The following ARHGEF17 variants were observed in gnomAD, a reference collection of about 807,000 sequenced individuals.
ARHGEF17 encodes the protein Rho guanine nucleotide exchange factor 17.
In ARHGEF17, 80 loss-of-function variants were observed where a neutral mutation model predicts 174.0. That is an observed-to-expected ratio of 0.46 (90% CI 0.38 to 0.55). ARHGEF17 has a LOEUF of 0.55. ARHGEF17 is among the 20% of genes least tolerant of loss of function. The probability of loss-of-function intolerance (pLI) is 0.00; values close to 1 mark genes in which losing one functional copy is unlikely to be tolerated. For synonymous variants in ARHGEF17, 1,311 were observed against 1,189.1 expected, an observed-to-expected ratio of 1.10 and a Z score of -2.11; for missense variants, 2,886 against 2,839.7, an observed-to-expected ratio of 1.02 and a Z score of -0.37.
At chr11:73,344,298 G>A (rs1411927410) in intron 1 of ARHGEF17, among the ~76,000 whole-genome samples, 2 of 152,234 alleles carry the variant, frequency 1.3e-5, no homozygotes, top group Admixed American at 1.3e-4. Flanking sequence ...CGTGTAGAGG[G>A]CTGCTCGCGC....
At chr11:73,359,690 C>T (rs1865703916) in intron 9 of ARHGEF17, 144 bp from the exon 10 acceptor site, 1 of 634,730 alleles carries the variant, frequency 1.6e-6, no homozygotes, top group Non-Finnish European at 2.5e-6. Flanking sequence ...ACTTTTTTCC[C>T]AAGAGCTTGG....
Position 73,308,981 on chromosome 11 carries a change from G to T in ARHGEF17, c.343G>T (p.Ala115Ser). Residue 115 changes from alanine to serine, a missense_variant, in exon 1 of 21, where the codon GCC (alanine) becomes TCC (serine). Transcript: ENST00000263674. ...GVLPAAAEEAAEGPARGAWPS... is the reference protein window; with the variant it reads ...GVLPAAAEEASEGPARGAWPS... ...CTTACCCGCGGCCGCGGAAGAAGCG[G>T]CCGAGGGCCCAGCGCGAGGAGCCTG... The T allele has an allele frequency of 7.3e-7, 1 of 1,373,668 alleles. No individual in the cohort carries two copies. The allele number at this position is 1,373,668 out of a possible 1,614,324, so 85.1% of individuals were successfully genotyped here. A position where few individuals can be genotyped will look rare whatever the true frequency, so the allele number is the denominator to read the frequency against.
intron 2 of ARHGEF17, among the ~76,000 whole-genome samples, chr11:73,348,259 C>T (rs1226780536): frequency 5.9e-5 from 9 of 152,164 alleles, no homozygotes; most frequent in Admixed American, 5.9e-4. Flanking sequence ...CCACGGTGAG[C>T]CCCTTCTGCG....
intron 1 of ARHGEF17, among the ~76,000 whole-genome samples, chr11:73,336,721 C>T (rs1865292203): frequency 6.6e-6 from 1 of 152,240 alleles, no homozygotes. Context: ...ACCATGGCTC[C>T]TCCACCTCCC....
chr11:73,319,048 G>T (rs1036983448), intron 1 of ARHGEF17, among the ~76,000 whole-genome samples: 2 of 149,582 alleles, frequency 1.3e-5, no homozygotes, highest in Non-Finnish European at 3.0e-5. Flanking sequence ...TGCTCACCCC[G>T]TACCTCCTTC....
intron 1 of ARHGEF17, among the ~76,000 whole-genome samples, chr11:73,320,897 A>T (rs1865007389): frequency 6.6e-6 from 1 of 152,140 alleles, no homozygotes; most frequent in South Asian, 2.1e-4. Context: ...CCTGAGCTCA[A>T]GTAATCTTCC....
chr11:73,366,054 G>C (rs1865832205), intron 20 of ARHGEF17, 107 bp downstream of exon 20: 1 of 1,410,840 alleles, frequency 7.1e-7, no homozygotes. Context: ...GTGTCACATA[G>C]AGCTGGAGGT....
chr11:73,322,420 G>C (rs1865031162), intron 1 of ARHGEF17, among the ~76,000 whole-genome samples: 1 of 152,252 alleles, frequency 6.6e-6, no homozygotes, highest in African/African-American at 2.4e-5. Flanking sequence ...TTCAGATGGG[G>C]AAGCTGAGGC....
chr11:73,320,628 CAAAAAAA>C (rs1165583721), intron 1 of ARHGEF17, among the ~76,000 whole-genome samples: 1 of 57,710 alleles, frequency 1.7e-5, no homozygotes, highest in African/African-American at 6.3e-5. Context: ...GACTCCGTCT[CAAAAAAA>C]AAAAAAAAAA....
rs753714471 is a variant in ARHGEF17 at position 73,363,700 on chromosome 11, C to CTGGT, written c.5247-46_5247-43dup. On this transcript the variant is annotated intron_variant, in intron 15 of 20. Coordinates refer to ENST00000263674, the MANE Select transcript of ARHGEF17 (RefSeq NM_014786.4). ...AGAGGTGGAGGGATGACTCCAGGGG[C>CTGGT]TGGTGTGCCCCAAGCATTTGTCCCA... 1.5e-5 allele frequency: 24 copies of CTGGT among 1,605,276 alleles called. No individual in the cohort carries two copies. In the African/African-American group the frequency reaches 3.2e-4, roughly 21 times the overall value.
Position 73,357,103 on chromosome 11 carries a change from T to G in ARHGEF17, c.3970T>G (p.Ser1324Ala), listed in dbSNP as rs1193541854. Reference protein sequence around the residue: ...LIVCTTLKRKSGSLRRSSMSL... With the variant: ...LIVCTTLKRKAGSLRRSSMSL... ...CGTCTGCACCACTCTGAAGCGAAAG[T>G]CAGGCTCCCTGCGGCGCAGCTCCAT... is the stretch of plus-strand genomic sequence containing the variant. Residue 1324 changes from serine to alanine, a missense_variant, in exon 8 of 21, where the codon TCA (serine) becomes GCA (alanine). Physicochemically the swap from Ser to Ala is moderately conservative, Grantham distance 99. This residue lies in a region of ARHGEF17 where 353 missense variants were observed against 470.3 expected (regional missense o/e 0.75). Transcript: ENST00000263674. 6.2e-7 allele frequency: 1 copy of G among 1,614,040 alleles called. No homozygotes were observed. Among genetic ancestry groups the G allele is most frequent in the Non-Finnish European group, 8.5e-7 (1 of 1,180,044 alleles).
rs890998959 is a variant in ARHGEF17, at chr11:73,363,151, T to G, written c.4997-55T>G. ...GAGGGATGCATGGCCTAGAAAGATA[T>G]CAGGTCCCAGGCCTGGCAGAGGGAA... is the stretch of plus-strand genomic sequence containing the variant. On this transcript the variant is annotated intron_variant, in intron 14 of 20. Coordinates refer to ENST00000263674, the MANE Select transcript of ARHGEF17 (RefSeq NM_014786.4). The G allele has an allele frequency of 3.5e-5, 52 of 1,470,066 alleles. No individual in the cohort carries two copies. In the Admixed American group the frequency reaches 1.3e-3, roughly 38 times the overall value. The allele number at this position is 1,470,066 out of a possible 1,614,324, so 91.1% of individuals were successfully genotyped here.
intron 1 of ARHGEF17, among the ~76,000 whole-genome samples, chr11:73,336,286 T>G (rs1865285337): frequency 6.6e-6 from 1 of 152,238 alleles, no homozygotes; most frequent in African/African-American, 2.4e-5. Flanking sequence ...CTCAGAGGAC[T>G]GGTGTGAGGA....
In ARHGEF17 at chr11:73,365,719, C is replaced by T. The variant is rs747241781; in HGVS notation, c.5767C>T (p.Arg1923Ter). 2 of 1,613,584 alleles carry T rather than the reference C, an allele frequency of 1.2e-6. No homozygotes were observed. Among genetic ancestry groups the T allele is most frequent in the South Asian group, 1.1e-5 (1 of 91,080 alleles). The stretch of plus-strand genomic sequence containing the variant: ...CCGGCAGCACAAGGCTGCCTGTCTG[C>T]GAATCACAGCGCTGCTGGTGTGTGA... ...IIRQHKAACL[R>*]ITALLVCEEL... Residue 1923 changes from arginine to a stop codon, truncating the protein, a stop_gained, in exon 20 of 21, where the codon CGA becomes TGA. Coordinates refer to ENST00000263674, the MANE Select transcript of ARHGEF17 (RefSeq NM_014786.4). LOFTEE classifies it high-confidence loss of function. The surrounding 1 kb of genome is among the most constrained non-coding windows in gnomAD (Gnocchi z 4.9).
Position 73,311,313 on chromosome 11 carries a change from C to T in ARHGEF17, c.2675C>T (p.Ala892Val). ...RAQSERALPE[A>V]LPPPATAHRN... ...CAGTCTGAAAGGGCCCTACCTGAGG[C>T]TCTGCCTCCCCCTGCCACTGCCCAC... Residue 892 changes from alanine (A) to valine (V), a missense_variant, in exon 1 of 21, where the codon GCT (alanine) becomes GTT (valine). This residue lies in a region of ARHGEF17 where 1,728 missense variants were observed against 1,461.2 expected (regional missense o/e 1.18). Coordinates refer to ENST00000263674, the MANE Select transcript of ARHGEF17 (RefSeq NM_014786.4). 6.2e-7 allele frequency: 1 copy of T among 1,613,202 alleles called. No individual in the cohort carries two copies. The highest frequency in any genetic ancestry group is 1.6e-4 in the Middle Eastern group (1 of 6,062).
In ARHGEF17 at chr11:73,365,338, G is replaced by A; in HGVS notation, c.5551-52G>A. The A allele has an allele frequency of 6.2e-7, 1 of 1,602,724 alleles. No individual in the cohort carries two copies. The highest frequency in any genetic ancestry group is 8.5e-7 in the Non-Finnish European group (1 of 1,173,514). On this transcript the variant is annotated intron_variant, in intron 18 of 20. Coordinates refer to ENST00000263674, the MANE Select transcript of ARHGEF17 (RefSeq NM_014786.4). The surrounding 1 kb of genome is among the most constrained non-coding windows in gnomAD (Gnocchi z 4.9). Reference sequence around the variant, plus strand: ...CTGGTGAAGCTCCAGGCTAGGGTGGGCCAAGGGAGGCAGGCCTGCCAATGA... The same window carrying A: ...CTGGTGAAGCTCCAGGCTAGGGTGGACCAAGGGAGGCAGGCCTGCCAATGA...
intron 1 of ARHGEF17, among the ~76,000 whole-genome samples, chr11:73,339,539 A>G (rs1865337525): frequency 6.6e-6 from 1 of 152,148 alleles, no homozygotes; most frequent in Non-Finnish European, 1.5e-5. Context: ...CACCAGCTGG[A>G]GGACCAGGTG....
chr11:73,316,646 A>G (rs1284357954), intron 1 of ARHGEF17, among the ~76,000 whole-genome samples: 2 of 152,226 alleles, frequency 1.3e-5, no homozygotes, highest in Non-Finnish European at 1.5e-5. Context: ...AGAAACAGTC[A>G]AGAGAACTGT....
chr11:73,314,907 A>G (rs1371095436), intron 1 of ARHGEF17, among the ~76,000 whole-genome samples: 1 of 152,178 alleles, frequency 6.6e-6, no homozygotes, highest in African/African-American at 2.4e-5. Flanking sequence ...ACATGCCACA[A>G]CTGTAGCCCA....
Sources: gnomAD v4.1 joint callset for allele counts (sites outside exome capture counted in the v4.1 genomes callset) on GRCh38, gnomAD v4.1.1 for gene constraint, gnomAD v4.1.1 regional missense constraint, Gnocchi (gnomAD v3.1) non-coding constraint, MANE v1.5 for transcripts, NCBI Gene and HGNC (gene_info 2026-07-23, HGNC 2026-07-21) for gene names.